SH3BGRL2: variants seen among roughly 807,000 people sequenced by gnomAD.
SH3BGRL2 encodes SH3 domain binding glutamate rich protein like 2, also known as SH3 domain-binding glutamic acid-rich-like protein 2.
A neutral mutation model predicts 14.8 loss-of-function variants in SH3BGRL2; 21 were observed. That is an observed-to-expected ratio of 1.42 (90% CI 1.01 to 2.05). The LOEUF is 2.05. Among genes scored for constraint, SH3BGRL2 ranks in the 30% most tolerant of loss-of-function variants. The pLI is 0.00. For synonymous variants in SH3BGRL2, 50 were observed against 47.8 expected (o/e 1.05, Z -0.19); for missense variants, 147 against 130.8 (o/e 1.12, Z -0.61).
At chr6:79,558,893 A>G in the SH3BGRL2 span, among the ~76,000 whole-genome samples, 1 of 152,108 alleles carries the variant, frequency 6.6e-6, no homozygotes, top group African/African-American at 2.4e-5. Flanking sequence ...GCCAGAAAGT[A>G]AGCAGCACTA....
chr6:79,640,927 TG>T (rs1769019893), intron 1 of SH3BGRL2, among the ~76,000 whole-genome samples: 1 of 152,148 alleles, frequency 6.6e-6, no homozygotes, highest in African/African-American at 2.4e-5. Flanking sequence ...GTCAGTTCAG[TG>T]GTATTTGGTA....
chr6:79,648,283 T>TATATATATATATATATATA (rs1769187646), intron 1 of SH3BGRL2, among the ~76,000 whole-genome samples: 1 of 128,418 alleles, frequency 7.8e-6, no homozygotes, highest in African/African-American at 2.8e-5. Flanking sequence ...TATATATATA[T>TATATATATATATATATATA]TTGACATATA....
intron 1 of SH3BGRL2, among the ~76,000 whole-genome samples, chr6:79,661,231 G>A (rs769355970): frequency 3.9e-5 from 6 of 151,982 alleles, no homozygotes; most frequent in African/African-American, 9.7e-5. Context: ...TTAGGGTGTC[G>A]ATTTTAGATC....
the SH3BGRL2 span, among the ~76,000 whole-genome samples, chr6:79,568,469 G>T: frequency 6.6e-6 from 1 of 152,104 alleles, no homozygotes; most frequent in African/African-American, 2.4e-5. Context: ...GAAAATGAAA[G>T]TGACAGAATA....
intron 3 of SH3BGRL2, 35 bp from the exon 4 acceptor site, chr6:79,699,463 C>CTTTTTTTTTT (rs35728679): frequency 1.6e-5 from 14 of 881,012 alleles, no homozygotes; most frequent in East Asian, 7.6e-5. Flanking sequence ...CAATAACTGA[C>CTTTTTTTTTT]TTTTTTTTTT....
At chr6:79,687,427 C>A (rs189845077) in intron 2 of SH3BGRL2, among the ~76,000 whole-genome samples, 1 of 152,050 alleles carries the variant, frequency 6.6e-6, no homozygotes, top group African/African-American at 2.4e-5. Flanking sequence ...CCTGTATGGT[C>A]AGAACTATTA....
the SH3BGRL2 span, among the ~76,000 whole-genome samples, chr6:79,602,384 A>AT: frequency 5.0e-3 from 758 of 152,312 alleles, 9 homozygotes; most frequent in African/African-American, 0.017. Flanking sequence ...AAGAGATAAA[A>AT]TGTAGTTTCT....
intron 1 of SH3BGRL2, among the ~76,000 whole-genome samples, chr6:79,659,056 A>AGC (rs1769485373): frequency 1.3e-5 from 2 of 152,162 alleles, no homozygotes; most frequent in South Asian, 4.1e-4. Context: ...TCAGATGGGT[A>AGC]GATTGCAAAA....
At chr6:79,585,055 A>T in the SH3BGRL2 span, among the ~76,000 whole-genome samples, 413 of 82,500 alleles carry the variant, frequency 5.0e-3, 2 homozygotes, top group African/African-American at 0.01. Context: ...TTTTTTTTTT[A>T]AAAAAAAAAA....
At position 79,700,001 on chromosome 6, in the gene SH3BGRL2, T is replaced by G. The variant is rs1278821112; in HGVS notation, c.*492T>G. ...GGTGTTGAAGATTTTTGCTGCAGAATCAGTTACAAACATCACAGTTCCCAT... is the reference window on the plus strand; with the variant it reads ...GGTGTTGAAGATTTTTGCTGCAGAAGCAGTTACAAACATCACAGTTCCCAT... On this transcript the variant is annotated 3_prime_UTR_variant, in exon 4 of 4. Transcript: ENST00000369838. 1 of 154,390 alleles carries G rather than the reference T, an allele frequency of 6.5e-6. No individual in the cohort carries two copies. The highest frequency in any genetic ancestry group is 2.4e-5 in the African/African-American group (1 of 41,536). 9.6% of individuals were successfully genotyped at this position (154,390 alleles called of 1,614,324 possible).
At chr6:79,541,890 T>C in the SH3BGRL2 span, among the ~76,000 whole-genome samples, 1 of 152,206 alleles carries the variant, frequency 6.6e-6, no homozygotes, top group Admixed American at 6.5e-5. Context: ...TAAGAAAAAC[T>C]CTTGTAATTA....
chr6:79,663,162 G>C (rs1769588789), intron 1 of SH3BGRL2, among the ~76,000 whole-genome samples: 1 of 152,164 alleles, frequency 6.6e-6, no homozygotes, highest in African/African-American at 2.4e-5. Context: ...ACTCGTCAAA[G>C]TCATTCTTTG....
At chr6:79,669,159 C>A (rs1297637402) in intron 1 of SH3BGRL2, among the ~76,000 whole-genome samples, 1 of 152,154 alleles carries the variant, frequency 6.6e-6, no homozygotes, top group African/African-American at 2.4e-5. Flanking sequence ...GGTCCTTCTG[C>A]TTCCAGAATT....
chr6:79,695,537 C>A (rs1381322881), intron 2 of SH3BGRL2, among the ~76,000 whole-genome samples: 1 of 152,186 alleles, frequency 6.6e-6, no homozygotes, highest in Non-Finnish European at 1.5e-5. Flanking sequence ...GGGCAGGATG[C>A]ACCCTAGAGT....
chr6:79,595,191 G>A, the SH3BGRL2 span, among the ~76,000 whole-genome samples: 34 of 152,160 alleles, frequency 2.2e-4, no homozygotes, highest in African/African-American at 8.2e-4. Context: ...GAGGCTGAGT[G>A]AGGCAGGAGA....
chr6:79,672,535 T>G (rs1012549065), intron 1 of SH3BGRL2, among the ~76,000 whole-genome samples: 1 of 148,926 alleles, frequency 6.7e-6, no homozygotes, highest in Non-Finnish European at 1.5e-5. Flanking sequence ...AGAGCTTCTG[T>G]TTTTTTTCTT....
At chr6:79,613,155 A>C in the SH3BGRL2 span, among the ~76,000 whole-genome samples, 3 of 152,234 alleles carry the variant, frequency 2.0e-5, no homozygotes, top group African/African-American at 7.2e-5. Context: ...TTTAGATCAC[A>C]GCTGATAAAC....
At chr6:79,564,166 ATATC>A in the SH3BGRL2 span, among the ~76,000 whole-genome samples, 1 of 151,574 alleles carries the variant, frequency 6.6e-6, no homozygotes, top group Non-Finnish European at 1.5e-5. Context: ...AACAAAAAAT[ATATC>A]TAACGACTTG....
upstream of SH3BGRL2, among the ~76,000 whole-genome samples, chr6:79,627,617 TG>T (rs1269045654): frequency 1.8e-4 from 27 of 152,316 alleles, no homozygotes; most frequent in African/African-American, 6.5e-4. Flanking sequence ...CTCTACATTT[TG>T]AAACTTAAAA....
Sources: allele counts gnomAD v4.1 joint callset (sites outside exome capture counted in the v4.1 genomes callset), GRCh38; gene constraint gnomAD v4.1.1; transcripts MANE v1.5; gene names NCBI Gene and HGNC (gene_info 2026-07-23, HGNC 2026-07-21).